The following CLSTN1 variants were observed in gnomAD, a reference collection of about 807,000 sequenced individuals.
CLSTN1 encodes the protein calsyntenin-1.
Under a neutral mutation model 108.3 loss-of-function variants are expected in CLSTN1, and 28 were observed. The ratio of observed to expected loss-of-function variants is 0.26; its 90% CI spans 0.19 to 0.35. The LOEUF is 0.35. Among genes scored for constraint, CLSTN1 ranks in the 10% least tolerant of loss-of-function variants. The pLI is 1.00. For synonymous variants in CLSTN1, 524 were observed against 534.9 expected (o/e 0.98, Z 0.28); for missense variants, 1,157 against 1,302.6 (o/e 0.89, Z 1.72).
chr1:9,739,814 A>ATTTTT (rs35078301), intron 10 of CLSTN1, among the ~76,000 whole-genome samples: 2 of 122,822 alleles, frequency 1.6e-5, no homozygotes, highest in African/African-American at 3.2e-5. Flanking sequence ...GCAATAGGGC[A>ATTTTT]TTTTTTTTTT....
intron 1 of CLSTN1, among the ~76,000 whole-genome samples, chr1:9,786,185 CT>C (rs953935604): frequency 6.6e-6 from 1 of 151,640 alleles, no homozygotes; most frequent in African/African-American, 2.4e-5. Context: ...CGAGACCTGC[CT>C]CAAACAAACA....
In CLSTN1 at chr1:9,823,563, C is replaced by G; in HGVS notation, c.91+80G>C. The G allele has an allele frequency of 1.0e-6, 1 of 963,246 alleles. No homozygotes were observed. Among genetic ancestry groups the G allele is most frequent in the Non-Finnish European group, 1.3e-6 (1 of 766,976 alleles). The allele number at this position is 963,246 out of a possible 1,614,324, so 59.7% of individuals were successfully genotyped here. A position where few individuals can be genotyped will look rare whatever the true frequency, so the allele number is the denominator to read the frequency against. ...CCTACTCCCGCACCCGGACCCGAAT[C>G]CCCGCACCGGGACCCGAATCCTGCA... On this transcript the variant is annotated intron_variant, in intron 1 of 18. Transcript: ENST00000377298. This position sits in a 1 kb window ranked among gnomAD's most constrained non-coding sequence, Gnocchi z 6.3.
chr1:9,799,041 C>T (rs1654136907), intron 1 of CLSTN1, among the ~76,000 whole-genome samples: 1 of 151,802 alleles, frequency 6.6e-6, no homozygotes, highest in Admixed American at 6.6e-5. Flanking sequence ...ATTAGCCAGA[C>T]ATAGTGGTGC....
chr1:9,811,369 C>T (rs897819480), intron 1 of CLSTN1, among the ~76,000 whole-genome samples: 1 of 152,146 alleles, frequency 6.6e-6, no homozygotes, highest in Non-Finnish European at 1.5e-5. Flanking sequence ...AAACAAGAGG[C>T]GGCTCTCGTA....
At chr1:9,819,741 C>G (rs1029077501) in intron 1 of CLSTN1, among the ~76,000 whole-genome samples, 1 of 152,156 alleles carries the variant, frequency 6.6e-6, no homozygotes, top group African/African-American at 2.4e-5. Context: ...ATTATTTCTT[C>G]AGCAGTTATA....
Position 9,823,567 on chromosome 1 carries a change from G to T in CLSTN1, c.91+76C>A, listed in dbSNP as rs2101370301. The T allele has an allele frequency of 1.0e-6, 1 of 996,296 alleles. No homozygotes were observed. The highest frequency in any genetic ancestry group is 1.3e-6 in the Non-Finnish European group (1 of 795,306). 61.7% of individuals were successfully genotyped at this position (996,296 alleles called of 1,614,324 possible). A position where few individuals can be genotyped will look rare whatever the true frequency, so the allele number is the denominator to read the frequency against. On this transcript the variant is annotated intron_variant, in intron 1 of 18. Coordinates refer to ENST00000377298, the MANE Select transcript of CLSTN1 (RefSeq NM_001009566.3). The surrounding 1 kb of genome is among the most constrained non-coding windows in gnomAD (Gnocchi z 6.3). ...CTCCCGCACCCGGACCCGAATCCCC[G>T]CACCGGGACCCGAATCCTGCACCCG...
chr1:9,765,094 C>T (rs757445458), intron 2 of CLSTN1, among the ~76,000 whole-genome samples: 1 of 151,854 alleles, frequency 6.6e-6, no homozygotes, highest in Non-Finnish European at 1.5e-5. Flanking sequence ...AATATTTCAA[C>T]ATTTAAAAAA....
chr1:9,756,604 C>T, intron 2 of CLSTN1, 94 bp from the exon 3 acceptor site: 1 of 977,376 alleles, frequency 1.0e-6, no homozygotes, highest in Non-Finnish European at 1.6e-6. Flanking sequence ...ACATATTACA[C>T]ATTTCCACAC....
chr1:9,761,836 A>G (rs536866988), intron 2 of CLSTN1, among the ~76,000 whole-genome samples: 58 of 152,300 alleles, frequency 3.8e-4, no homozygotes, highest in Non-Finnish European at 7.6e-4. Context: ...GATTGTAAGC[A>G]ACAGAAATCC....
chr1:9,730,631 T>G lies in CLSTN1; in HGVS notation c.2823A>C (p.Glu941Asp), dbSNP rs775752121. The G allele has an allele frequency of 6.2e-7, 1 of 1,610,492 alleles. No homozygotes were observed. The highest frequency in any genetic ancestry group is 1.1e-5 in the South Asian group (1 of 91,074). The change falls in exon 19 of 19, where the codon GAA becomes GAC. Residue 941 changes from glutamate to aspartate, a missense_variant. Glu to Asp is a conservative substitution (Grantham distance 45). Transcript: ENST00000377298. This position sits in a 1 kb window ranked among gnomAD's most constrained non-coding sequence, Gnocchi z 5.6. ...ACTCGGCGCTGGTGATGTCATCCTC[T>G]TCTTCGCCGTCCTCGCTTTCCTCTT... ...EEEEESEDGE[E>D]EDDITSAESE...
chr1:9,787,542 T>C (rs1653554771), intron 1 of CLSTN1, among the ~76,000 whole-genome samples: 1 of 150,758 alleles, frequency 6.6e-6, no homozygotes, highest in Non-Finnish European at 1.5e-5. Flanking sequence ...TAGCTGGGAC[T>C]ACAGGCACCT....
chr1:9,760,793 A>G (rs1369131122), intron 2 of CLSTN1, among the ~76,000 whole-genome samples: 3 of 148,860 alleles, frequency 2.0e-5, no homozygotes, highest in Non-Finnish European at 3.0e-5. Flanking sequence ...CCTCCCTCAG[A>G]GCTGGGATTA....
intron 10 of CLSTN1, among the ~76,000 whole-genome samples, chr1:9,740,739 C>T (rs1650937840): frequency 6.6e-6 from 1 of 152,190 alleles, no homozygotes; most frequent in African/African-American, 2.4e-5. Context: ...TATTTCTGTG[C>T]CTGACTCTTG....
intron 1 of CLSTN1, among the ~76,000 whole-genome samples, chr1:9,796,071 G>C (rs1295185041): frequency 6.6e-6 from 1 of 150,984 alleles, no homozygotes; most frequent in Non-Finnish European, 1.5e-5. Context: ...AGACCAGCCT[G>C]GCCAACATGG....
At chr1:9,781,629 G>A (rs553973939) in intron 1 of CLSTN1, among the ~76,000 whole-genome samples, 1 of 152,104 alleles carries the variant, frequency 6.6e-6, no homozygotes, top group East Asian at 1.9e-4. Context: ...TTTTAGTAGA[G>A]ATGGGGTTTC....
rs762619559 is a variant in CLSTN1, at chr1:9,760,684, G to GTTTT, written c.215-4178_215-4175dup. On this transcript the variant is annotated intron_variant, in intron 2 of 18. Coordinates refer to ENST00000377298, the MANE Select transcript of CLSTN1 (RefSeq NM_001009566.3). ...ACAGGTGCATGCCACCCATTCCCGG[G>GTTTT]TTTTTTTTTTTTTTTTTTTTTTTGG... 2.2e-3 allele frequency among the ~76,000 whole-genome samples: 230 copies of GTTTT among 102,430 alleles called. 8 individuals are homozygous for GTTTT. Among genetic ancestry groups the GTTTT allele is most frequent in the African/African-American group, 8.9e-3 (207 of 23,270 alleles). 67.2% of individuals were successfully genotyped at this position (102,430 alleles called of 152,430 possible).
chr1:9,755,259 C>T lies in CLSTN1; in HGVS notation c.295G>A (p.Val99Met), dbSNP rs1428262898. 1.2e-6 allele frequency: 2 copies of T among 1,614,004 alleles called. No individual in the cohort carries two copies. The highest frequency in any genetic ancestry group is 1.7e-6 in the Non-Finnish European group (2 of 1,179,914). Reference protein sequence around the residue: ...IHGQNVPFDAVVVDKSTGEGV... With the variant: ...IHGQNVPFDAMVVDKSTGEGV... ...TCACCAGTGGATTTATCCACTACCA[C>T]TGCATCAAAGGGGACATTCTGCCCG... The change falls in exon 4 of 19, where the codon GTG becomes ATG. Residue 99 changes from valine (V) to methionine (M), a missense_variant. Coordinates refer to ENST00000377298, the MANE Select transcript of CLSTN1 (RefSeq NM_001009566.3).
At chr1:9,818,961 T>TG (rs1206541283) in intron 1 of CLSTN1, among the ~76,000 whole-genome samples, 2 of 51,342 alleles carry the variant, frequency 3.9e-5, no homozygotes, top group Non-Finnish European at 1.9e-4. Flanking sequence ...TAATTTTTTG[T>TG]ATTTTTTTTT....
chr1:9,817,192 C>T (rs778152103), intron 1 of CLSTN1, among the ~76,000 whole-genome samples: 9 of 152,242 alleles, frequency 5.9e-5, no homozygotes, highest in African/African-American at 1.7e-4. Context: ...CACAGTGAGA[C>T]GCCACTTCTA....
Sources: gnomAD v4.1 joint callset for allele counts (sites outside exome capture counted in the v4.1 genomes callset) on GRCh38, gnomAD v4.1.1 for gene constraint, Gnocchi (gnomAD v3.1) non-coding constraint, MANE v1.5 for transcripts, NCBI Gene and HGNC (gene_info 2026-07-23, HGNC 2026-07-21) for gene names.